The following TENM3 variants were observed in gnomAD, a reference collection of about 807,000 sequenced individuals.
The protein encoded by TENM3 is teneurin-3.
In TENM3, 63 loss-of-function variants were observed where a neutral mutation model predicts 255.1. The ratio of observed to expected loss-of-function variants is 0.25; its 90% CI spans 0.20 to 0.30. The LOEUF (loss-of-function observed/expected upper bound fraction) is 0.30. TENM3 is among the 10% of genes least tolerant of loss of function. TENM3 has a pLI of 1.00. For missense variants in TENM3, 2,929 were observed against 3,461.1 expected (o/e 0.85, Z 3.86); for synonymous variants, 1,306 against 1,322.3 (o/e 0.99, Z 0.27).
At chr4:182,032,899 T>G in the TENM3 span, among the ~76,000 whole-genome samples, 1 of 152,128 alleles carries the variant, frequency 6.6e-6, no homozygotes, top group Non-Finnish European at 1.5e-5. Context: ...GATGTCCCCT[T>G]TATCATTTTT....
chr4:181,779,260 GTTATTTATTTATTTAT>G, the TENM3 span, among the ~76,000 whole-genome samples: 3 of 141,174 alleles, frequency 2.1e-5, no homozygotes, highest in South Asian at 2.3e-4. Flanking sequence ...TTTACTTTAA[GTTATTTATTTATTTAT>G]TTATTTATTT....
intron 1 of TENM3, among the ~76,000 whole-genome samples, chr4:182,233,170 A>ACAGG (rs1245500603): frequency 6.6e-6 from 1 of 152,242 alleles, no homozygotes; most frequent in East Asian, 1.9e-4. Context: ...GCTCAGCCAA[A>ACAGG]CAGGAGCCGG....
chr4:182,788,111 T>C (rs757649954), intron 24 of TENM3, among the ~76,000 whole-genome samples: 1 of 152,212 alleles, frequency 6.6e-6, no homozygotes, highest in Non-Finnish European at 1.5e-5. Flanking sequence ...AGCTAGAATA[T>C]GGTTATGTAA....
At chr4:182,414,888 A>G (rs1399885489) in intron 3 of TENM3, among the ~76,000 whole-genome samples, 1 of 152,248 alleles carries the variant, frequency 6.6e-6, no homozygotes, top group Non-Finnish European at 1.5e-5. Flanking sequence ...TACAAAGTAG[A>G]TATCAGCTTT....
the TENM3 span, among the ~76,000 whole-genome samples, chr4:181,497,368 AT>A: frequency 2.6e-5 from 4 of 151,920 alleles, no homozygotes; most frequent in African/African-American, 4.8e-5. Flanking sequence ...GAAGATGCAT[AT>A]TTTTTTTCCT....
chr4:181,977,705 C>CTGATTTTGTGCCCA, the TENM3 span, among the ~76,000 whole-genome samples: 1 of 152,060 alleles, frequency 6.6e-6, no homozygotes, highest in Non-Finnish European at 1.5e-5. Flanking sequence ...AATCAGGGCA[C>CTGATTTTGTGCCCA]CTGGGGTGGG....
At chr4:181,471,826 G>A in the TENM3 span, among the ~76,000 whole-genome samples, 1 of 152,152 alleles carries the variant, frequency 6.6e-6, no homozygotes, top group African/African-American at 2.4e-5. Context: ...TGTAACATGT[G>A]AGTCCTCAGA....
chr4:181,460,358 A>G, the TENM3 span, among the ~76,000 whole-genome samples: 1 of 151,914 alleles, frequency 6.6e-6, no homozygotes, highest in African/African-American at 2.4e-5. Flanking sequence ...CTTAGGGAGA[A>G]AGCATTCCAT....
At chr4:182,017,496 A>G in the TENM3 span, among the ~76,000 whole-genome samples, 11 of 152,212 alleles carry the variant, frequency 7.2e-5, no homozygotes. Flanking sequence ...TTCTGTTTAC[A>G]AAGGAGTATA....
chr4:182,174,502 T>TCACACACACACA (rs71605053), intron 1 of TENM3, among the ~76,000 whole-genome samples: 8,577 of 137,468 alleles, frequency 0.062, 352 homozygotes, highest in South Asian at 0.12. Flanking sequence ...AGCTACTAAT[T>TCACACACACACA]CACACACACA....
chr4:181,972,135 G>T, the TENM3 span, among the ~76,000 whole-genome samples: 5 of 151,790 alleles, frequency 3.3e-5, no homozygotes, highest in Non-Finnish European at 7.4e-5. Flanking sequence ...CTGTAATAAA[G>T]AACGGGCCAG....
At chr4:182,256,566 GA>G (rs1294568994) in intron 1 of TENM3, among the ~76,000 whole-genome samples, 1 of 152,164 alleles carries the variant, frequency 6.6e-6, no homozygotes. Flanking sequence ...AGTCCGTGAA[GA>G]ATCTCAATAC....
At chr4:181,790,308 T>C in the TENM3 span, among the ~76,000 whole-genome samples, 1 of 152,156 alleles carries the variant, frequency 6.6e-6, no homozygotes, top group East Asian at 1.9e-4. Flanking sequence ...GTATAAGAAG[T>C]GGCTCACTTT....
the TENM3 span, among the ~76,000 whole-genome samples, chr4:181,815,930 G>C: frequency 6.6e-6 from 1 of 152,198 alleles, no homozygotes; most frequent in Non-Finnish European, 1.5e-5. Context: ...TGGAATGAAA[G>C]AGCATCAATG....
At chr4:182,702,902 A>G (rs1367850688) in intron 12 of TENM3, among the ~76,000 whole-genome samples, 3 of 151,748 alleles carry the variant, frequency 2.0e-5, no homozygotes, top group Non-Finnish European at 4.4e-5. Flanking sequence ...ATGCCCGGCT[A>G]ATTTTTTGTA....
chr4:182,477,981 A>T (rs941831188), intron 3 of TENM3, among the ~76,000 whole-genome samples: 6 of 152,188 alleles, frequency 3.9e-5, no homozygotes, highest in Admixed American at 2.0e-4. Context: ...TAGATTATAT[A>T]TACTTTTATA....
At chr4:182,545,823 A>T (rs1321717378) in intron 3 of TENM3, among the ~76,000 whole-genome samples, 1 of 152,130 alleles carries the variant, frequency 6.6e-6, no homozygotes. Context: ...ATCTTTTCAT[A>T]GGAATTACAG....
the TENM3 span, among the ~76,000 whole-genome samples, chr4:181,614,187 G>A: frequency 6.6e-6 from 1 of 151,862 alleles, no homozygotes; most frequent in Non-Finnish European, 1.5e-5. Context: ...TGTCCTCAAA[G>A]ATTTTTTTCA....
chr4:182,335,387 C>T (rs1003430865), intron 2 of TENM3, among the ~76,000 whole-genome samples: 4 of 133,816 alleles, frequency 3.0e-5, no homozygotes, highest in Admixed American at 7.9e-5. Flanking sequence ...CCCAGCTGCT[C>T]GGGAGGCTGA....
Sources: gnomAD v4.1 joint callset for allele counts (sites outside exome capture counted in the v4.1 genomes callset) on GRCh38, gnomAD v4.1.1 for gene constraint, MANE v1.5 for transcripts, NCBI Gene and HGNC (gene_info 2026-07-23, HGNC 2026-07-21) for gene names.